The following UPF2 variants were observed in gnomAD, a reference collection of about 807,000 sequenced individuals.
UPF2 encodes the protein regulator of nonsense transcripts 2.
A neutral mutation model predicts 141.4 loss-of-function variants in UPF2; 17 were observed. The ratio of observed to expected loss-of-function variants is 0.12; its 90% confidence interval spans 0.08 to 0.18. UPF2 has a LOEUF of 0.18. UPF2 is among the 10% of genes least tolerant of loss of function. The pLI, the probability that UPF2 is intolerant of heterozygous loss-of-function variation, is 1.00. For missense variants in UPF2, 1,152 were observed against 1,515.9 expected (o/e 0.76, Z 3.99); for synonymous variants, 540 against 498.0 (o/e 1.08, Z -1.12).
chr10:11,971,128 G>A (rs1833410401), intron 9 of UPF2, among the ~76,000 whole-genome samples: 1 of 152,094 alleles, frequency 6.6e-6, no homozygotes, highest in Non-Finnish European at 1.5e-5. Context: ...TTTAAATGAA[G>A]TGTTATAAAT....
chr10:12,036,564 A>G (rs966113990), intron 1 of UPF2, among the ~76,000 whole-genome samples: 2 of 152,240 alleles, frequency 1.3e-5, no homozygotes, highest in Non-Finnish European at 1.5e-5. Flanking sequence ...GTACAGGCTT[A>G]TAGTTAACTG....
At chr10:12,009,095 T>C (rs766433442) in intron 4 of UPF2, among the ~76,000 whole-genome samples, 2 of 152,212 alleles carry the variant, frequency 1.3e-5, no homozygotes, top group Non-Finnish European at 2.9e-5. Flanking sequence ...GTATTATTGA[T>C]GGGCATTTGG....
chr10:11,975,440 G>C (rs1481229026), intron 9 of UPF2, among the ~76,000 whole-genome samples: 1 of 152,170 alleles, frequency 6.6e-6, no homozygotes, highest in Non-Finnish European at 1.5e-5. Flanking sequence ...AGCATTTTAA[G>C]TGTCCGTTTA....
chr10:11,930,733 C>A (rs1207766571), intron 20 of UPF2, among the ~76,000 whole-genome samples: 1 of 152,156 alleles, frequency 6.6e-6, no homozygotes, highest in African/African-American at 2.4e-5. Context: ...GTGATTGCGC[C>A]ACTGCACTCC....
intron 21 of UPF2, 89 bp downstream of exon 21, chr10:11,929,776 T>C: frequency 6.6e-7 from 1 of 1,514,032 alleles, no homozygotes; most frequent in South Asian, 1.3e-5. Context: ...ATCGGGCCTT[T>C]GCCAAAAACT....
intron 9 of UPF2, among the ~76,000 whole-genome samples, chr10:11,969,100 G>A (rs1367579937): frequency 6.6e-6 from 1 of 151,040 alleles, no homozygotes; most frequent in Middle Eastern, 3.3e-3. Context: ...GGCCTCAAGT[G>A]ATCCATCCGC....
chr10:11,989,218 A>C (rs1460930835), intron 8 of UPF2, among the ~76,000 whole-genome samples: 1 of 152,240 alleles, frequency 6.6e-6, no homozygotes, highest in Non-Finnish European at 1.5e-5. Context: ...GAGAAAGTTT[A>C]ATTTAAACCT....
chr10:11,955,208 A>T, intron 14 of UPF2, 24 bp downstream of exon 14: 1 of 1,548,368 alleles, frequency 6.5e-7, no homozygotes, highest in African/African-American at 1.4e-5. Flanking sequence ...AATGATGCCA[A>T]ACTGAATATT....
chr10:12,024,670 C>T (rs1834379811), intron 3 of UPF2, among the ~76,000 whole-genome samples: 3 of 151,826 alleles, frequency 2.0e-5, no homozygotes, highest in Non-Finnish European at 4.4e-5. Context: ...CAGTGGCTCA[C>T]ACCTATAATC....
In UPF2 at chr10:11,921,183, C is replaced by T; in HGVS notation, c.*115G>A. ...CCAGCCTGTCCCAGGTTTAGATTCG[C>T]AACTCTCTAGACCGACCTGCTGAGA... On this transcript the variant is annotated 3_prime_UTR_variant, in exon 22 of 22. Transcript: ENST00000357604. This position sits in a 1 kb window ranked among gnomAD's most constrained non-coding sequence, Gnocchi z 5.9. 2.1e-6 allele frequency: 3 copies of T among 1,457,636 alleles called. No homozygotes were observed. In the South Asian group the frequency reaches 3.4e-5, roughly 17 times the overall value. 90.3% of individuals were successfully genotyped at this position (1,457,636 alleles called of 1,614,324 possible). A position where few individuals can be genotyped will look rare whatever the true frequency, so the allele number is the denominator to read the frequency against.
chr10:11,991,723 A>T lies in UPF2; in HGVS notation c.1844+5949T>A, dbSNP rs73573525. Among the ~76,000 whole-genome samples the T allele has an allele frequency of 8.5e-5, 13 of 152,376 alleles. No individual in the cohort carries two copies. In the East Asian group the frequency reaches 2.3e-3, roughly 27 times the overall value. ...CACCTACATGATATTTAGGGTTAAA[A>T]GGTATGAGCTGTGGATTCTCCACTA... is the stretch of plus-strand genomic sequence containing the variant. On this transcript the variant is annotated intron_variant, in intron 8 of 21. Transcript: ENST00000357604.
chr10:11,949,607 G>C (rs2131180666), intron 15 of UPF2, among the ~76,000 whole-genome samples: 1 of 152,258 alleles, frequency 6.6e-6, no homozygotes. Flanking sequence ...ACTTAAGACA[G>C]CCCATATATT....
chr10:11,996,048 T>C (rs903225586), intron 8 of UPF2, among the ~76,000 whole-genome samples: 2 of 152,122 alleles, frequency 1.3e-5, no homozygotes, highest in African/African-American at 4.8e-5. Flanking sequence ...GCACTTAGAA[T>C]TACTCCTCTG....
intron 8 of UPF2, among the ~76,000 whole-genome samples, chr10:11,983,878 CTCAG>C (rs1833641527): frequency 6.6e-6 from 1 of 152,072 alleles, no homozygotes; most frequent in African/African-American, 2.4e-5. Flanking sequence ...GCTAAAAATA[CTCAG>C]TTAAGCTTCC....
At chr10:11,948,602 A>AT in intron 15 of UPF2, 94 bp from the exon 16 acceptor site, 1 of 1,320,002 alleles carries the variant, frequency 7.6e-7, no homozygotes, top group East Asian at 2.3e-5. Flanking sequence ...GTATGCATTA[A>AT]GAATTCAACA....
rs1834278711 is a variant in UPF2 at position 12,019,444 on chromosome 10, G to C, written c.1146-5260C>G. ...ACAGGCTGTAGAAAAACTAGTCATA[G>C]GCTTAATCTGGCCCACAAGCCATAG... On this transcript the variant is annotated intron_variant, in intron 3 of 21. Transcript: ENST00000357604. This position sits in a 1 kb window ranked among gnomAD's most constrained non-coding sequence, Gnocchi z 4.5. 6.6e-6 allele frequency among the ~76,000 whole-genome samples: 1 copy of C among 152,178 alleles called. No homozygotes were observed.
At position 12,016,690 on chromosome 10, in the gene UPF2, T is replaced by C. The variant is rs972639008; in HGVS notation, c.1146-2506A>G. On this transcript the variant is annotated intron_variant, in intron 3 of 21. Transcript: ENST00000357604. The surrounding 1 kb of genome is among the most constrained non-coding windows in gnomAD (Gnocchi z 4.1). The stretch of plus-strand genomic sequence containing the variant: ...GCCTGGGCGACAGAGCAAGACTGTC[T>C]AAAAAAAAAAAGAAAAAGAAGTAAG... Among the ~76,000 whole-genome samples, 10 of 135,278 alleles carry C rather than the reference T, an allele frequency of 7.4e-5. No homozygotes were observed. The highest frequency in any genetic ancestry group is 2.8e-4 in the African/African-American group (10 of 36,158). The allele number at this position is 135,278 out of a possible 152,430, so 88.7% of individuals were successfully genotyped here. A position where few individuals can be genotyped will look rare whatever the true frequency, so the allele number is the denominator to read the frequency against.
chr10:11,988,048 C>G (rs1212571907), intron 8 of UPF2, among the ~76,000 whole-genome samples: 2 of 152,088 alleles, frequency 1.3e-5, no homozygotes, highest in Non-Finnish European at 2.9e-5. Context: ...ATAAATAACT[C>G]TTAGAACTCA....
chr10:11,990,536 C>A (rs973692289), intron 8 of UPF2, among the ~76,000 whole-genome samples: 1 of 151,400 alleles, frequency 6.6e-6, no homozygotes, highest in African/African-American at 2.4e-5. Flanking sequence ...AAAAATTAGC[C>A]GGGCGTGGTG....
Sources: allele counts gnomAD v4.1 joint callset (sites outside exome capture counted in the v4.1 genomes callset), GRCh38; gene constraint gnomAD v4.1.1; non-coding constraint Gnocchi (gnomAD v3.1); transcripts MANE v1.5; gene names NCBI Gene and HGNC (gene_info 2026-07-23, HGNC 2026-07-21).